DLG2: variants seen among roughly 807,000 people sequenced by gnomAD.
The protein encoded by DLG2 is discs large MAGUK scaffold protein 2, also known as disks large homolog 2.
Under a neutral mutation model 132.5 loss-of-function variants are expected in DLG2, and 45 were observed. The observed-to-expected ratio is 0.34, with a 90% CI of 0.27 to 0.44. DLG2 has a LOEUF of 0.44. DLG2 is among the 20% of genes least tolerant of loss of function. The probability of loss-of-function intolerance (pLI) is 1.00; values close to 1 mark genes in which losing one functional copy is unlikely to be tolerated. For synonymous variants in DLG2, 424 were observed against 419.6 expected (o/e 1.01, Z -0.13); for missense variants, 1,045 against 1,196.9 (o/e 0.87, Z 1.87).
chr11:84,963,896 T>C (rs147416349), intron 6 of DLG2, among the ~76,000 whole-genome samples: 101 of 152,250 alleles, frequency 6.6e-4, no homozygotes, highest in African/African-American at 2.4e-3. Flanking sequence ...AACGGGAGGA[T>C]GTCTTTGTGA....
At position 85,019,193 on chromosome 11, in the gene DLG2, T is replaced by A. The variant is rs574113190; in HGVS notation, c.357+92468A>T. Reference sequence around the variant, plus strand: ...GGAGACAGTTGATGAAAACCATACATCCTTTTTATTGTTAAGTCATAAAGA... The same window carrying A: ...GGAGACAGTTGATGAAAACCATACAACCTTTTTATTGTTAAGTCATAAAGA... On this transcript the variant is annotated intron_variant, in intron 6 of 27. Coordinates refer to ENST00000376104, the MANE Select transcript of DLG2 (RefSeq NM_001142699.3). 7.9e-5 allele frequency among the ~76,000 whole-genome samples: 12 copies of A among 152,304 alleles called. No homozygotes were observed. In the South Asian group the frequency reaches 2.3e-3, roughly 29 times the overall value.
chr11:84,076,162 G>T (rs1174771404), intron 10 of DLG2, among the ~76,000 whole-genome samples: 1 of 152,102 alleles, frequency 6.6e-6, no homozygotes, highest in Admixed American at 6.6e-5. Flanking sequence ...TAGACTGTAT[G>T]ACTTCAGTTT....
chr11:84,598,279 T>C (rs943485723), intron 6 of DLG2, among the ~76,000 whole-genome samples: 1 of 152,134 alleles, frequency 6.6e-6, no homozygotes, highest in African/African-American at 2.4e-5. Flanking sequence ...GGTTCCTTAA[T>C]TCCAAATTCA....
chr11:85,471,859 AAAAT>A (rs1451093433), intron 3 of DLG2, among the ~76,000 whole-genome samples: 1 of 152,218 alleles, frequency 6.6e-6, no homozygotes, highest in East Asian at 1.9e-4. Context: ...CACCAAATTA[AAAAT>A]AAATAGACAA....
chr11:83,884,500 T>G (rs1305329679), intron 15 of DLG2, among the ~76,000 whole-genome samples: 2 of 152,150 alleles, frequency 1.3e-5, no homozygotes, highest in Non-Finnish European at 2.9e-5. Flanking sequence ...CTCTGTAGGA[T>G]CCACCTCTGG....
chr11:84,468,887 G>C (rs990475912), intron 7 of DLG2, among the ~76,000 whole-genome samples: 4 of 151,442 alleles, frequency 2.6e-5, no homozygotes, highest in Non-Finnish European at 5.9e-5. Context: ...CTAGAGCAGG[G>C]AGACTCATTG....
intron 6 of DLG2, among the ~76,000 whole-genome samples, chr11:84,664,004 C>T (rs2099697464): frequency 6.6e-6 from 1 of 152,140 alleles, no homozygotes; most frequent in Non-Finnish European, 1.5e-5. Context: ...TTCCTGACAA[C>T]CAAAATTCAG....
intron 20 of DLG2, 76 bp from the exon 21 acceptor site, chr11:83,532,859 A>AT: frequency 8.2e-7 from 1 of 1,223,894 alleles, no homozygotes; most frequent in South Asian, 1.3e-5. Context: ...AGTGAAGAAC[A>AT]TTTTTTCCTC....
intron 4 of DLG2, among the ~76,000 whole-genome samples, chr11:85,278,724 A>G (rs548110503): frequency 1.5e-4 from 23 of 152,302 alleles, no homozygotes; most frequent in South Asian, 6.2e-4. Flanking sequence ...CTTATACATT[A>G]CACAAAGCCC....
At chr11:84,714,613 C>T (rs1429289679) in intron 6 of DLG2, among the ~76,000 whole-genome samples, 5 of 104,394 alleles carry the variant, frequency 4.8e-5, no homozygotes, top group African/African-American at 2.0e-4. Context: ...CTTTCTCTTT[C>T]TCTTTCTCTT....
In DLG2 at chr11:85,426,768, C is replaced by G. The variant is rs191888340; in HGVS notation, c.41-141403G>C. On this transcript the variant is annotated intron_variant, in intron 3 of 27. Transcript: ENST00000376104. ...GCTCCACACCAGCAATGGAACAAAG[C>G]TGAATGGAGAATGACTTCAATGAGT... is the stretch of plus-strand genomic sequence containing the variant. Among the ~76,000 whole-genome samples, 30 of 152,270 alleles carry G rather than the reference C, an allele frequency of 2.0e-4. No homozygotes were observed. In the East Asian group the frequency reaches 5.6e-3, roughly 28 times the overall value.
chr11:83,827,850 C>A (rs183290623), intron 17 of DLG2, among the ~76,000 whole-genome samples: 3 of 152,134 alleles, frequency 2.0e-5, no homozygotes, highest in African/African-American at 7.2e-5. Flanking sequence ...ATGCTGAATG[C>A]CCTAAATTCT....
At chr11:85,520,654 A>T (rs1300374406) in intron 3 of DLG2, among the ~76,000 whole-genome samples, 1 of 147,022 alleles carries the variant, frequency 6.8e-6, no homozygotes, top group Non-Finnish European at 1.5e-5. Context: ...GTATTGGCAT[A>T]AAAAAAAAAC....
intron 3 of DLG2, among the ~76,000 whole-genome samples, chr11:85,491,839 G>A (rs907607430): frequency 1.1e-4 from 16 of 152,042 alleles, no homozygotes; most frequent in African/African-American, 3.6e-4. Context: ...TATCTATAGA[G>A]ACAATGCAAT....
At chr11:85,134,572 A>G (rs1404194050) in intron 5 of DLG2, among the ~76,000 whole-genome samples, 1 of 149,728 alleles carries the variant, frequency 6.7e-6, no homozygotes, top group Admixed American at 6.6e-5. Context: ...TCTATGATAA[A>G]CAATTTGGAA....
chr11:84,841,432 C>A (rs1489071134), intron 6 of DLG2, among the ~76,000 whole-genome samples: 1 of 151,890 alleles, frequency 6.6e-6, no homozygotes. Context: ...TTTAAAAATT[C>A]TTAATTGAAA....
chr11:83,465,427 G>C (rs146965472), intron 26 of DLG2, among the ~76,000 whole-genome samples: 1 of 152,028 alleles, frequency 6.6e-6, no homozygotes, highest in South Asian at 2.1e-4. Flanking sequence ...CTGTTTCTTC[G>C]GTCCTTCCAT....
At chr11:83,505,448 C>T (rs1565523248) in intron 21 of DLG2, among the ~76,000 whole-genome samples, 2 of 152,172 alleles carry the variant, frequency 1.3e-5, no homozygotes, top group East Asian at 3.8e-4. Context: ...GACTGAGTGG[C>T]GTCCACAGAA....
chr11:84,347,657 C>T (rs2154409930), intron 7 of DLG2, among the ~76,000 whole-genome samples: 1 of 152,288 alleles, frequency 6.6e-6, no homozygotes, highest in East Asian at 1.9e-4. Flanking sequence ...GATGCCTCCC[C>T]ACAACCCACT....
Sources: allele counts gnomAD v4.1 joint callset (sites outside exome capture counted in the v4.1 genomes callset), GRCh38; gene constraint gnomAD v4.1.1; transcripts MANE v1.5; gene names NCBI Gene and HGNC (gene_info 2026-07-23, HGNC 2026-07-21).